The following ATM variants were observed in gnomAD, a reference collection of about 807,000 sequenced individuals.
ATM encodes the protein serine-protein kinase ATM.
Under a neutral mutation model 387.0 loss-of-function variants are expected in ATM, and 308 were observed. The observed-to-expected ratio is 0.80, with a 90% CI of 0.73 to 0.87. The LOEUF (loss-of-function observed/expected upper bound fraction) is 0.87, where lower values mean the gene tolerates loss of function less well. Among genes scored for constraint, ATM ranks in the 40% least tolerant of loss-of-function variants. The pLI is 0.00. For synonymous variants in ATM, 1,156 were observed against 1,187.3 expected (o/e 0.97, Z 0.54); for missense variants, 3,312 against 3,560.9 (o/e 0.93, Z 1.78).
chr11:108,361,784 T>C (rs2090793863), intron 61 of ATM, among the ~76,000 whole-genome samples: 1 of 152,120 alleles, frequency 6.6e-6, no homozygotes, highest in Non-Finnish European at 1.5e-5. Context: ...TTACACCTGA[T>C]ACAAAAATTA....
chr11:108,331,318 T>G (rs1179175086), intron 50 of ATM, 126 bp from the exon 51 acceptor site: 28 of 1,462,492 alleles, frequency 1.9e-5, no homozygotes, highest in African/African-American at 2.9e-5. Flanking sequence ...AACAATATAG[T>G]TAGTGAAGTT....
chr11:108,299,811 G>C lies in ATM; in HGVS notation c.5103G>C (p.Lys1701Asn). 2 of 1,613,944 alleles carry C rather than the reference G, an allele frequency of 1.2e-6. No homozygotes were observed. The highest frequency in any genetic ancestry group is 1.7e-6 in the Non-Finnish European group (2 of 1,179,930). ...ATGCATCTTATACCAAGGCCCTTAA[G>C]TTATTTGAAGATAAAGAACTTCAGT... is the stretch of plus-strand genomic sequence containing the variant. ...SKDASYTKAL[K>N]LFEDKELQWT... Residue 1701 changes from lysine (K) to asparagine (N), a missense_variant, in exon 34 of 63, where the codon AAG becomes AAC. Physicochemically the swap from Lys to Asn is moderately conservative, Grantham distance 94. Around this residue, in one of 4 missense-constraint regions of ATM, gnomAD observed 1,405 missense variants for 1,604.4 expected, o/e 0.88. Coordinates refer to ENST00000675843, the MANE Select transcript of ATM (RefSeq NM_000051.4).
chr11:108,293,890 AAAAAAT>A (rs1442035967), intron 31 of ATM, among the ~76,000 whole-genome samples: 2 of 110,190 alleles, frequency 1.8e-5, no homozygotes, highest in African/African-American at 3.2e-5. Context: ...AAAAAAAAAA[AAAAAAT>A]ATATATATAT....
intron 22 of ATM, among the ~76,000 whole-genome samples, chr11:108,274,581 T>C (rs1480203992): frequency 2.6e-5 from 4 of 152,232 alleles, no homozygotes; most frequent in African/African-American, 7.2e-5. Flanking sequence ...TTTGTTCTTA[T>C]TGGTTTCAAA....
At chr11:108,227,728 G>A in intron 2 of ATM, 32 bp downstream of exon 2, 1 of 1,588,438 alleles carries the variant, frequency 6.3e-7, no homozygotes, top group East Asian at 2.3e-5. Context: ...ATTTTTCCTT[G>A]AAATAAGTGT....
chr11:108,312,381 C>A, intron 39 of ATM, 30 bp from the exon 40 acceptor site: 1 of 1,486,878 alleles, frequency 6.7e-7, no homozygotes, highest in South Asian at 1.1e-5. Flanking sequence ...AGTATGTTCT[C>A]ATTAAAAGAG....
At chr11:108,316,579 G>GT (rs2084668370) in intron 42 of ATM, among the ~76,000 whole-genome samples, 1 of 151,878 alleles carries the variant, frequency 6.6e-6, no homozygotes, top group South Asian at 2.1e-4. Context: ...CTATTTTTGT[G>GT]TTTTTTGGGA....
intron 29 of ATM, among the ~76,000 whole-genome samples, chr11:108,291,754 A>G (rs2082808276): frequency 6.6e-6 from 1 of 152,132 alleles, no homozygotes; most frequent in Non-Finnish European, 1.5e-5. Flanking sequence ...GTGTTTGCAG[A>G]TTGGCTTTAT....
intron 59 of ATM, 101 bp from the exon 60 acceptor site, chr11:108,353,664 AG>A: frequency 1.1e-6 from 1 of 903,970 alleles, no homozygotes; most frequent in Non-Finnish European, 1.8e-6. Flanking sequence ...CATAGAACGT[AG>A]GTAACATGTG....
At chr11:108,316,787 G>T (rs2084696081) in intron 42 of ATM, among the ~76,000 whole-genome samples, 4 of 148,884 alleles carry the variant, frequency 2.7e-5, no homozygotes, top group African/African-American at 9.9e-5. Context: ...TTAGCCGGGT[G>T]TGGTGGCGGG....
Position 108,227,989 on chromosome 11 carries a change from C to T in ATM, c.185+101C>T, listed in dbSNP as rs1041311645. On this transcript the variant is annotated intron_variant, in intron 3 of 62. Coordinates refer to ENST00000675843, the MANE Select transcript of ATM (RefSeq NM_000051.4). ...GTGTAAGTCTTAACATTTATCTTTG[C>T]TTCCTATATATCATTATGCCTTGCA... 50 of 988,346 alleles carry T rather than the reference C, an allele frequency of 5.1e-5. 1 individual carries two copies. The highest frequency in any genetic ancestry group is 6.6e-5 in the African/African-American group (4 of 60,888). 61.2% of individuals were successfully genotyped at this position (988,346 alleles called of 1,614,324 possible).
chr11:108,308,817 T>C (rs2083893523), intron 38 of ATM: 1 of 549,008 alleles, frequency 1.8e-6, no homozygotes. Flanking sequence ...AGAAGTTTTA[T>C]GCTTTTCAGT....
chr11:108,333,973 T>G lies in ATM; in HGVS notation c.8010+5T>G, dbSNP rs56256497. ...GTCCCTACTATGGAAATTAAGGTAATTTGCAATTAACTCTTGATTTTTTTT... is the reference window on the plus strand; with the variant it reads ...GTCCCTACTATGGAAATTAAGGTAAGTTGCAATTAACTCTTGATTTTTTTT... On this transcript the variant is annotated splice_donor_5th_base_variant and intron_variant, in intron 54 of 62. Transcript: ENST00000675843. 6.3e-7 allele frequency: 1 copy of G among 1,593,644 alleles called. No homozygotes were observed. The highest frequency in any genetic ancestry group is 8.6e-7 in the Non-Finnish European group (1 of 1,162,008).
intron 61 of ATM, among the ~76,000 whole-genome samples, chr11:108,359,548 A>G (rs2137589238): frequency 6.6e-6 from 1 of 152,274 alleles, no homozygotes. Flanking sequence ...AGTTGGAAGT[A>G]AAGCTCTCCT....
chr11:108,340,527 T>C (rs2087423461), intron 56 of ATM, among the ~76,000 whole-genome samples: 1 of 152,214 alleles, frequency 6.6e-6, no homozygotes, highest in African/African-American at 2.4e-5. Context: ...GTCCTATTGG[T>C]CAACTTCCAG....
chr11:108,292,823 A>T, intron 30 of ATM, 30 bp downstream of exon 30: 2 of 1,605,328 alleles, frequency 1.2e-6, no homozygotes, highest in Non-Finnish European at 1.7e-6. Context: ...TCAAAATGGT[A>T]TTTAAAATAT....
At position 108,353,807 on chromosome 11, in the gene ATM, A is replaced by C. The variant is rs1555142833; in HGVS notation, c.8713A>C (p.Thr2905Pro). The C allele has an allele frequency of 6.2e-7, 1 of 1,614,120 alleles. No individual in the cohort carries two copies. Among genetic ancestry groups the C allele is most frequent in the East Asian group, 2.2e-5 (1 of 44,882 alleles). Residue 2905 changes from threonine to proline, a missense_variant, in exon 60 of 63, where the codon ACA becomes CCA. This residue lies in a region of ATM where 1,405 missense variants were observed against 1,604.4 expected (regional missense o/e 0.88). Transcript: ENST00000675843. The part of the protein sequence containing the change: ...EQGKILPTPE[T>P]VPFRLTRDIV... ...GGGCAAAATCCTTCCTACTCCTGAGACAGTTCCTTTTAGACTCACCAGAGA... is the reference window on the plus strand; with the variant it reads ...GGGCAAAATCCTTCCTACTCCTGAGCCAGTTCCTTTTAGACTCACCAGAGA...
At chr11:108,239,769 G>T (rs371777038) in intron 5 of ATM, among the ~76,000 whole-genome samples, 1 of 152,142 alleles carries the variant, frequency 6.6e-6, no homozygotes, top group Non-Finnish European at 1.5e-5. Context: ...AGCCCACAAG[G>T]GTTCCAGTTT....
At position 108,330,219 on chromosome 11, in the gene ATM, C is replaced by T. The variant is rs147604227; in HGVS notation, c.7313C>T (p.Thr2438Ile). 1.1e-4 allele frequency: 177 copies of T among 1,613,864 alleles called. No homozygotes were observed. The African/African-American group carries it at 1.9e-3, about 17-fold the overall frequency. Residue 2438 changes from threonine to isoleucine, a missense_variant, in exon 50 of 63, where the codon ACA becomes ATA. Thr to Ile is a moderately conservative substitution (Grantham distance 89). Coordinates refer to ENST00000675843, the MANE Select transcript of ATM (RefSeq NM_000051.4). ...CCTTAATTATTCTATGCAAGATACA[C>T]AGTAAAGGTTCAGCGAGAGCTGGAG... ...REHKIQTNRYTVKVQRELELD... is the reference protein window; with the variant it reads ...REHKIQTNRYIVKVQRELELD...
Sources: allele counts gnomAD v4.1 joint callset (sites outside exome capture counted in the v4.1 genomes callset), GRCh38; gene constraint gnomAD v4.1.1; regional missense constraint gnomAD v4.1.1; transcripts MANE v1.5; gene names NCBI Gene and HGNC (gene_info 2026-07-23, HGNC 2026-07-21).